The following CCNT2 variants were observed in gnomAD, a reference collection of about 807,000 sequenced individuals.
CCNT2 encodes the protein cyclin-T2.
A neutral mutation model predicts 70.0 loss-of-function variants in CCNT2; 18 were observed. The observed-to-expected ratio is 0.26, with a 90% CI of 0.18 to 0.38. CCNT2 has a LOEUF of 0.38. Ranked by LOEUF, CCNT2 falls within the 10% of genes least tolerant of loss-of-function variation. CCNT2 has a pLI of 1.00. For synonymous variants in CCNT2, 334 were observed against 313.3 expected (o/e 1.07, Z -0.70); for missense variants, 734 against 890.2 (o/e 0.82, Z 2.23).
rs1432753383 is a variant in CCNT2 at position 134,959,170 on chromosome 2, G to C, written c.*4522G>C. The C allele has an allele frequency of 1.3e-5, 2 of 151,124 alleles. No individual in the cohort carries two copies. Among genetic ancestry groups the C allele is most frequent in the Non-Finnish European group, 2.9e-5 (2 of 67,810 alleles). 9.4% of individuals were successfully genotyped at this position (151,124 alleles called of 1,614,324 possible). On this transcript the variant is annotated 3_prime_UTR_variant, in exon 9 of 9. Transcript: ENST00000264157. ...TACATACTCATTTGTTGTAAACAGT[G>C]ATTGTGGGGTTTCATTTTCTGAATG...
In CCNT2 at chr2:134,957,473, C is replaced by T. The variant is rs940266880; in HGVS notation, c.*2825C>T. On this transcript the variant is annotated 3_prime_UTR_variant, in exon 9 of 9. Coordinates refer to ENST00000264157, the MANE Select transcript of CCNT2 (RefSeq NM_058241.3). ...CTGATTTGTTACCTTTACACAGAAG[C>T]ACATTGCAAAGAAAGGCTTTATTTC... 1 of 152,136 alleles carries T rather than the reference C, an allele frequency of 6.6e-6. No individual in the cohort carries two copies. The highest frequency in any genetic ancestry group is 6.5e-5 in the Admixed American group (1 of 15,284). 9.4% of individuals were successfully genotyped at this position (152,136 alleles called of 1,614,324 possible). A position where few individuals can be genotyped will look rare whatever the true frequency, so the allele number is the denominator to read the frequency against.
At position 134,954,583 on chromosome 2, in the gene CCNT2, A is replaced by G. The variant is rs919436797; in HGVS notation, c.2128A>G (p.Met710Val). The change falls in exon 9 of 9, where the codon ATG becomes GTG. Residue 710 changes from methionine (M) to valine (V), a missense_variant. Transcript: ENST00000264157. ...NHEYSTSSQH[M>V]DYKDTFDMLD... The stretch of plus-strand genomic sequence containing the variant: ...CGAGTACAGTACAAGCAGCCAGCAT[A>G]TGGACTACAAAGACACATTCGACAT... 3.7e-6 allele frequency: 6 copies of G among 1,614,156 alleles called. No homozygotes were observed. The highest frequency in any genetic ancestry group is 1.6e-4 in the Middle Eastern group (1 of 6,062).
intron 2 of CCNT2, 41 bp from the exon 3 acceptor site, chr2:134,936,794 TGAAATG>T: frequency 6.5e-7 from 1 of 1,531,342 alleles, no homozygotes; most frequent in Non-Finnish European, 8.8e-7. Flanking sequence ...GAGGGTTTTT[TGAAATG>T]TATTTGTTCT....
rs1682959362 is a variant in CCNT2, at chr2:134,956,867, T to G, written c.*2219T>G. On this transcript the variant is annotated 3_prime_UTR_variant, in exon 9 of 9. Transcript: ENST00000264157. The stretch of plus-strand genomic sequence containing the variant: ...TTCATTGGTGCTAATGATGGACAGT[T>G]AAAAAGATAGCTAGTGTATATTGTT... The G allele has an allele frequency of 6.6e-6, 1 of 152,604 alleles. No homozygotes were observed. The highest frequency in any genetic ancestry group is 1.5e-5 in the Non-Finnish European group (1 of 68,002). The allele number at this position is 152,604 out of a possible 1,614,324, so 9.5% of individuals were successfully genotyped here. A position where few individuals can be genotyped will look rare whatever the true frequency, so the allele number is the denominator to read the frequency against.
intron 2 of CCNT2, among the ~76,000 whole-genome samples, chr2:134,920,763 A>G (rs1046112124): frequency 1.3e-5 from 2 of 152,216 alleles, no homozygotes; most frequent in African/African-American, 4.8e-5. Context: ...AAATGGACCA[A>G]AGAAGACTTT....
At chr2:134,932,194 A>G (rs912502798) in intron 2 of CCNT2, among the ~76,000 whole-genome samples, 2 of 151,004 alleles carry the variant, frequency 1.3e-5, no homozygotes, top group African/African-American at 2.4e-5. Context: ...CCATGTGTTA[A>G]TCTTGAACTC....
chr2:134,928,175 T>A, intron 2 of CCNT2, among the ~76,000 whole-genome samples: 1 of 151,940 alleles, frequency 6.6e-6, no homozygotes, highest in East Asian at 1.9e-4. Flanking sequence ...TTGGTGAGGC[T>A]AGTCTCGAAC....
In CCNT2 at chr2:134,918,949, A is replaced by C. The variant is rs1199876594; in HGVS notation, c.95A>C (p.Lys32Thr). The change falls in exon 1 of 9, where the codon AAA becomes ACA. Residue 32 changes from lysine to threonine, a missense_variant. This residue lies in a region of CCNT2 where 161 missense variants were observed against 303.8 expected (regional missense o/e 0.53). Transcript: ENST00000264157. Reference sequence around the variant, plus strand: ...CGCCGCTGCGGAGTGGAGGCGGATAAAGAGCTCTCGTGCCGCCAGCAGGCG... The same window carrying C: ...CGCCGCTGCGGAGTGGAGGCGGATACAGAGCTCTCGTGCCGCCAGCAGGCG... ...PSRRCGVEAD[K>T]ELSCRQQAAN... 1 of 1,614,002 alleles carries C rather than the reference A, an allele frequency of 6.2e-7. No homozygotes were observed. The highest frequency in any genetic ancestry group is 1.7e-5 in the Admixed American group (1 of 60,026).
chr2:134,939,132 T>A (rs2105054563), intron 4 of CCNT2, 70 bp downstream of exon 4: 1 of 1,055,100 alleles, frequency 9.5e-7, no homozygotes, highest in South Asian at 1.4e-5. Flanking sequence ...AGTGAAAAGA[T>A]TTCTGAAATA....
intron 2 of CCNT2, among the ~76,000 whole-genome samples, chr2:134,921,305 C>A (rs894886668): frequency 6.6e-6 from 1 of 152,036 alleles, no homozygotes; most frequent in African/African-American, 2.4e-5. Context: ...TACTTTTGTA[C>A]TTCCAATAAA....
At chr2:134,949,486 A>G (rs963181568) in intron 7 of CCNT2, among the ~76,000 whole-genome samples, 8 of 152,184 alleles carry the variant, frequency 5.3e-5, no homozygotes, top group Admixed American at 5.2e-4. Flanking sequence ...CCAATTATCC[A>G]TAGTTTGCCT....
intron 6 of CCNT2, 123 bp from the exon 7 acceptor site, chr2:134,947,612 GT>G (rs1212916532): frequency 1.4e-5 from 8 of 567,606 alleles, no homozygotes; most frequent in South Asian, 6.5e-5. Flanking sequence ...ATAAAATAAG[GT>G]TTTATACTCT....
chr2:134,935,617 A>G (rs578208685), intron 2 of CCNT2, among the ~76,000 whole-genome samples: 3 of 152,286 alleles, frequency 2.0e-5, no homozygotes, highest in Non-Finnish European at 4.4e-5. Flanking sequence ...TTGTCTTCCC[A>G]TGGGAAATTT....
intron 6 of CCNT2, among the ~76,000 whole-genome samples, chr2:134,947,250 T>G (rs1316999149): frequency 6.6e-6 from 1 of 152,222 alleles, no homozygotes; most frequent in East Asian, 1.9e-4. Context: ...AATTCTCTGC[T>G]TCACTAAAGA....
At chr2:134,942,785 G>A (rs2105063362) in intron 5 of CCNT2, 111 bp downstream of exon 5, 2 of 1,390,858 alleles carry the variant, frequency 1.4e-6, no homozygotes, top group South Asian at 1.5e-5. Flanking sequence ...ATTAAAATTA[G>A]GGAGAAATGT....
intron 2 of CCNT2, among the ~76,000 whole-genome samples, chr2:134,926,319 CT>C (rs760374645): frequency 1.8e-4 from 27 of 152,136 alleles, no homozygotes; most frequent in Non-Finnish European, 3.4e-4. Flanking sequence ...GCTCCCTTTT[CT>C]GTTATTTTGT....
At chr2:134,943,784 C>T (rs919867775) in intron 5 of CCNT2, 31 of 985,204 alleles carry the variant, frequency 3.1e-5, no homozygotes, top group Non-Finnish European at 3.7e-5. Flanking sequence ...GTATTCATAG[C>T]AACCACTTGG....
At chr2:134,948,530 G>A (rs1328989362) in intron 7 of CCNT2, among the ~76,000 whole-genome samples, 2 of 152,072 alleles carry the variant, frequency 1.3e-5, no homozygotes, top group Non-Finnish European at 2.9e-5. Flanking sequence ...GCCTTACATT[G>A]TTAAATATGA....
At chr2:134,926,030 A>AT (rs11402319) in intron 2 of CCNT2, among the ~76,000 whole-genome samples, 34,212 of 150,982 alleles carry the variant, frequency 0.23, 4,115 homozygotes, top group East Asian at 0.4. Flanking sequence ...CACACAGTTA[A>AT]TTTTTTTAAT....
Sources: gnomAD v4.1 joint callset for allele counts (sites outside exome capture counted in the v4.1 genomes callset) on GRCh38, gnomAD v4.1.1 for gene constraint, gnomAD v4.1.1 regional missense constraint, MANE v1.5 for transcripts, NCBI Gene and HGNC (gene_info 2026-07-23, HGNC 2026-07-21) for gene names.